The following SMC2 variants were observed in gnomAD, a reference collection of about 807,000 sequenced individuals.
SMC2 encodes the protein structural maintenance of chromosomes 2.
SMC2 carries 41 observed loss-of-function variants against 142.6 expected under a neutral mutation model. The ratio of observed to expected loss-of-function variants is 0.29; its 90% CI spans 0.22 to 0.37. SMC2 has a LOEUF of 0.37. Ranked by LOEUF, SMC2 falls within the 10% of genes least tolerant of loss-of-function variation. The probability of loss-of-function intolerance (pLI) is 1.00; values close to 1 mark genes in which losing one functional copy is unlikely to be tolerated. For missense variants in SMC2, 1,265 were observed against 1,373.7 expected (o/e 0.92, Z 1.25); for synonymous variants, 463 against 457.5 (o/e 1.01, Z -0.15).
At chr9:104,091,013 G>C (rs1175821173), upstream of SMC2, among the ~76,000 whole-genome samples, 2 of 152,178 alleles carry the variant, frequency 1.3e-5, no homozygotes, top group African/African-American at 4.8e-5. Context: ...CCCACTGGGT[G>C]AATGAATATA....
chr9:104,123,032 G>C, intron 16 of SMC2, 76 bp from the exon 17 acceptor site: 2 of 1,436,886 alleles, frequency 1.4e-6, no homozygotes, highest in Non-Finnish European at 1.9e-6. Context: ...TTTAAGGTAA[G>C]AATCTGAAGT....
Position 104,114,600 on chromosome 9 carries a change from A to ATTTCATTTCACT in SMC2, c.1533-90_1533-89insTTCATTTCACTT. On this transcript the variant is annotated intron_variant, in intron 12 of 24. Transcript: ENST00000374793. ...CTGATTCTACTTTCATTTCACTTTA[A>ATTTCATTTCACT]TGTGTTGTCCAAAAGAGCTCCTGAT... 5 of 1,123,152 alleles carry ATTTCATTTCACT rather than the reference A, an allele frequency of 4.5e-6. No homozygotes were observed. In the African/African-American group the frequency reaches 6.3e-5, roughly 14 times the overall value. 69.6% of individuals were successfully genotyped at this position (1,123,152 alleles called of 1,614,324 possible).
At position 104,115,314 on chromosome 9, in the gene SMC2, C is replaced by A. The variant is rs919153495; in HGVS notation, c.1671+485C>A. 4.0e-5 allele frequency among the ~76,000 whole-genome samples: 6 copies of A among 151,806 alleles called. No homozygotes were observed. In the South Asian group the frequency reaches 1.0e-3, roughly 26 times the overall value. On this transcript the variant is annotated intron_variant, in intron 13 of 24. Transcript: ENST00000374793. ...AGAAGCCTGGGTATGGTGGCTCACA[C>A]CTGTAATCCCAGCACTTTGGGAGGC...
In SMC2 at chr9:104,138,096, T is replaced by C; in HGVS notation, c.3348T>C (p.Asp1116=). The part of the protein sequence containing the change: ...PAPIYILDEV[D]AALDLSHTQN... ...CAATTTATATCCTTGATGAGGTAGA[T>C]GCAGCCTTGGATCTTTCTCATACCC... The change falls in exon 24 of 25, where the codon GAT becomes GAC. Residue 1116 remains aspartate (D), a synonymous_variant. Transcript: ENST00000374793. 2 of 1,610,558 alleles carry C rather than the reference T, an allele frequency of 1.2e-6. No individual in the cohort carries two copies. Among genetic ancestry groups the C allele is most frequent in the Non-Finnish European group, 8.5e-7 (1 of 1,177,684 alleles).
At position 104,118,314 on chromosome 9, in the gene SMC2, A is replaced by G. The variant is rs776513663; in HGVS notation, c.1935A>G (p.Ile645Met). ...AAAAAGTGGCCTTTGATAAGAGGAT[A>G]ATGACTAGAACTGTAACTCTCGGAG... ...NAKKVAFDKRIMTRTVTLGGD... is the reference protein window; with the variant it reads ...NAKKVAFDKRMMTRTVTLGGD... Residue 645 changes from isoleucine (I) to methionine (M), a missense_variant, in exon 15 of 25, where the codon ATA becomes ATG. Transcript: ENST00000374793. The G allele has an allele frequency of 5.0e-6, 8 of 1,613,656 alleles. No individual in the cohort carries two copies. In the African/African-American group the frequency reaches 6.7e-5, roughly 13 times the overall value.
chr9:104,096,717 T>A (rs1254296875), intron 3 of SMC2, among the ~76,000 whole-genome samples: 1 of 152,244 alleles, frequency 6.6e-6, no homozygotes, highest in Non-Finnish European at 1.5e-5. Context: ...CTAGTCCTCT[T>A]GAGAGCACCA....
intron 17 of SMC2, 67 bp from the exon 18 acceptor site, chr9:104,124,845 T>A (rs1049914514): frequency 8.0e-7 from 1 of 1,249,234 alleles, no homozygotes; most frequent in Non-Finnish European, 1.1e-6. Context: ...ATTTCTTCTA[T>A]TAAAAGTTGA....
intron 19 of SMC2, 135 bp downstream of exon 19, chr9:104,126,919 A>C: frequency 2.2e-6 from 2 of 895,908 alleles, no homozygotes; most frequent in Admixed American, 5.8e-5. Context: ...AATAGCTTTT[A>C]CTCATCCAGA....
At chr9:104,100,317 TG>T in intron 6 of SMC2, 71 bp from the exon 7 acceptor site, 1 of 1,425,702 alleles carries the variant, frequency 7.0e-7, no homozygotes, top group Non-Finnish European at 9.8e-7. Flanking sequence ...TAGTCATCCC[TG>T]CTACTTCTCT....
intron 9 of SMC2, among the ~76,000 whole-genome samples, chr9:104,106,978 A>G (rs912415193): frequency 6.6e-6 from 1 of 152,192 alleles, no homozygotes; most frequent in East Asian, 1.9e-4. Flanking sequence ...CCATACTATT[A>G]GTAGGCACAT....
upstream of SMC2, chr9:104,094,276 T>C (rs919290728): frequency 5.0e-6 from 2 of 398,554 alleles, no homozygotes; most frequent in Non-Finnish European, 8.8e-6. Flanking sequence ...AAATAAGCAA[T>C]GGAGGTGGGG....
intron 15 of SMC2, among the ~76,000 whole-genome samples, chr9:104,119,066 G>A (rs1833440290): frequency 6.6e-6 from 1 of 152,168 alleles, no homozygotes; most frequent in African/African-American, 2.4e-5. Flanking sequence ...TTTTAACCCA[G>A]TAGACGGCAT....
intron 7 of SMC2, among the ~76,000 whole-genome samples, chr9:104,100,667 G>A (rs575506924): frequency 7.9e-5 from 12 of 152,200 alleles, no homozygotes; most frequent in East Asian, 5.8e-4. Context: ...ATGGTATGCC[G>A]AATTTTAATA....
At chr9:104,113,701 G>T (rs79247855) in intron 11 of SMC2, among the ~76,000 whole-genome samples, 9,202 of 152,120 alleles carry the variant, frequency 0.06, 746 homozygotes, top group African/African-American at 0.19. Flanking sequence ...TCATTTGAAA[G>T]CTCAAAAATG....
chr9:104,133,140 G>A (rs1325295081), intron 22 of SMC2, among the ~76,000 whole-genome samples: 1 of 151,940 alleles, frequency 6.6e-6, no homozygotes, highest in Non-Finnish European at 1.5e-5. Context: ...TTTTTGGTTT[G>A]TTTTCTTCAT....
At chr9:104,122,207 A>G (rs1222089701) in intron 16 of SMC2, among the ~76,000 whole-genome samples, 1 of 152,176 alleles carries the variant, frequency 6.6e-6, no homozygotes, top group Non-Finnish European at 1.5e-5. Flanking sequence ...GTATTGGATC[A>G]TTTATTCTGC....
chr9:104,099,726 ATTAC>A (rs1830900268), intron 5 of SMC2, 44 bp downstream of exon 5: 1 of 1,160,334 alleles, frequency 8.6e-7, no homozygotes, highest in Non-Finnish European at 1.3e-6. Flanking sequence ...TGGTATAGAT[ATTAC>A]TTTAATCTTT....
intron 9 of SMC2, among the ~76,000 whole-genome samples, chr9:104,110,982 T>C (rs1047603551): frequency 2.6e-5 from 4 of 152,240 alleles, no homozygotes; most frequent in Non-Finnish European, 5.9e-5. Context: ...AAGCACTTAA[T>C]AAATATTTGA....
At chr9:104,132,797 T>C (rs1280281418) in intron 22 of SMC2, among the ~76,000 whole-genome samples, 1 of 152,050 alleles carries the variant, frequency 6.6e-6, no homozygotes, top group African/African-American at 2.4e-5. Flanking sequence ...GCTGACCCTA[T>C]TAATTAGTGT....
Sources: allele counts gnomAD v4.1 joint callset (sites outside exome capture counted in the v4.1 genomes callset), GRCh38; gene constraint gnomAD v4.1.1; transcripts MANE v1.5; gene names NCBI Gene and HGNC (gene_info 2026-07-23, HGNC 2026-07-21).